LOC128706665: variants seen among roughly 807,000 people sequenced by gnomAD.
the LOC128706665 span, among the ~76,000 whole-genome samples, chr20:10,427,379 CT>C: frequency 9.2e-5 from 14 of 152,204 alleles, no homozygotes; most frequent in East Asian, 2.7e-3. Context: ...TTTTTAAAAA[CT>C]TCCACTGAAT....
At chr20:10,420,707 T>C in the LOC128706665 span, 1 of 152,134 alleles carries the variant, frequency 6.6e-6, no homozygotes, top group Non-Finnish European at 1.5e-5. Flanking sequence ...ACCAAAACTT[T>C]GTAGTCTCTC....
chr20:10,413,836 A>G, the LOC128706665 span: 1 of 458,064 alleles, frequency 2.2e-6, no homozygotes, highest in Non-Finnish European at 3.8e-6. Flanking sequence ...CCTATGAAAG[A>G]TATCCCAGCT....
At chr20:10,420,018 T>A in the LOC128706665 span, among the ~76,000 whole-genome samples, 2 of 152,212 alleles carry the variant, frequency 1.3e-5, no homozygotes, top group African/African-American at 4.8e-5. Flanking sequence ...GTTTTGGTTT[T>A]GAGAACTTTT....
the LOC128706665 span, among the ~76,000 whole-genome samples, chr20:10,421,590 T>C: frequency 6.6e-6 from 1 of 152,140 alleles, no homozygotes; most frequent in Admixed American, 6.6e-5. Flanking sequence ...AAAAGATTTC[T>C]GGCTTGAACG....
the LOC128706665 span, among the ~76,000 whole-genome samples, chr20:10,426,898 T>C: frequency 5.3e-5 from 8 of 152,182 alleles, no homozygotes; most frequent in African/African-American, 1.7e-4. Context: ...CAGTTTTCTT[T>C]AATTTAGTTC....
At chr20:10,420,668 G>T in the LOC128706665 span, 1 of 152,094 alleles carries the variant, frequency 6.6e-6, no homozygotes, top group South Asian at 2.1e-4. Context: ...CACCCCAAAT[G>T]TATGAGCCCA....
At chr20:10,428,754 G>A in the LOC128706665 span, among the ~76,000 whole-genome samples, 3 of 152,252 alleles carry the variant, frequency 2.0e-5, no homozygotes, top group South Asian at 4.2e-4. Flanking sequence ...CAGGAGAATC[G>A]CTTGAATCCA....
the LOC128706665 span, among the ~76,000 whole-genome samples, chr20:10,424,385 T>C: frequency 6.6e-6 from 1 of 152,014 alleles, no homozygotes; most frequent in African/African-American, 2.4e-5. Context: ...TGAGACTTCA[T>C]CTCTATTTTA....
the LOC128706665 span, chr20:10,413,974 A>G: frequency 2.5e-6 from 1 of 402,042 alleles, no homozygotes; most frequent in African/African-American, 2.1e-5. Context: ...ATACTTCCCA[A>G]GCAGTTTGTA....
At chr20:10,418,169 A>G in the LOC128706665 span, among the ~76,000 whole-genome samples, 1 of 152,242 alleles carries the variant, frequency 6.6e-6, no homozygotes, top group African/African-American at 2.4e-5. Context: ...ATACAAAAGG[A>G]CTACATAGTG....
the LOC128706665 span, among the ~76,000 whole-genome samples, chr20:10,423,398 G>A: frequency 2.0e-5 from 3 of 152,206 alleles, no homozygotes; most frequent in African/African-American, 7.2e-5. Flanking sequence ...CTCCAGGACA[G>A]GTGATGAAAT....
At chr20:10,420,140 T>C in the LOC128706665 span, among the ~76,000 whole-genome samples, 1 of 152,088 alleles carries the variant, frequency 6.6e-6, no homozygotes, top group Non-Finnish European at 1.5e-5. Context: ...AAATAGTTGA[T>C]GTTAAGAAAT....
the LOC128706665 span, among the ~76,000 whole-genome samples, chr20:10,423,088 AT>A: frequency 6.6e-6 from 1 of 151,802 alleles, no homozygotes; most frequent in African/African-American, 2.4e-5. Flanking sequence ...ATAATTCAAC[AT>A]TTGTCAGCTT....
chr20:10,429,914 T>C, the LOC128706665 span, among the ~76,000 whole-genome samples: 3 of 152,332 alleles, frequency 2.0e-5, no homozygotes, highest in East Asian at 5.8e-4. Flanking sequence ...TGGGGTCCAG[T>C]AATCTGTGTT....
the LOC128706665 span, among the ~76,000 whole-genome samples, chr20:10,417,399 C>T: frequency 6.6e-6 from 1 of 152,068 alleles, no homozygotes; most frequent in Non-Finnish European, 1.5e-5. Flanking sequence ...TTGCTTGAGG[C>T]CAGAAATTTG....
chr20:10,426,274 C>G, the LOC128706665 span, among the ~76,000 whole-genome samples: 3 of 152,206 alleles, frequency 2.0e-5, no homozygotes, highest in African/African-American at 7.2e-5. Flanking sequence ...AGAATTAGTG[C>G]CCCAGCTTGG....
chr20:10,414,284 A>C, the LOC128706665 span, among the ~76,000 whole-genome samples: 1 of 97,960 alleles, frequency 1.0e-5, no homozygotes, highest in African/African-American at 4.7e-5. Context: ...TTTTTTTTTG[A>C]GATGGAGTTT....
the LOC128706665 span, among the ~76,000 whole-genome samples, chr20:10,431,110 A>G: frequency 6.6e-6 from 1 of 152,210 alleles, no homozygotes; most frequent in Admixed American, 6.5e-5. Flanking sequence ...AGTGCTCAAT[A>G]CACGGCAGCC....
the LOC128706665 span, among the ~76,000 whole-genome samples, chr20:10,431,514 T>C: frequency 1.4e-5 from 2 of 147,318 alleles, no homozygotes; most frequent in East Asian, 2.0e-4. Context: ...AACTCAATGC[T>C]GTATAGGGTC....
Sources: allele counts gnomAD v4.1 joint callset (sites outside exome capture counted in the v4.1 genomes callset), GRCh38; gene constraint gnomAD v4.1.1; transcripts MANE v1.5.